INHBA: variants seen among roughly 807,000 people sequenced by gnomAD.
INHBA encodes inhibin beta A chain.
In INHBA, 1 loss-of-function variant was observed where a neutral mutation model predicts 29.0. The ratio of observed to expected loss-of-function variants is 0.03; its 90% CI spans 0.01 to 0.16. The LOEUF is 0.16. Ranked by LOEUF, INHBA falls within the 10% of genes least tolerant of loss-of-function variation. The pLI, the probability that INHBA is intolerant of heterozygous loss-of-function variation, is 1.00. For missense variants in INHBA, 376 were observed against 545.4 expected, an observed-to-expected ratio of 0.69 and a Z score of 3.09; for synonymous variants, 242 against 216.8, an observed-to-expected ratio of 1.12 and a Z score of -1.02.
rs972161023 is a variant in INHBA, at chr7:41,700,292, C to T, written c.83G>A (p.Gly28Glu). The change falls in exon 2 of 3, where the codon GGG becomes GAG. Residue 28 changes from glycine (G) to glutamate (E), a missense_variant. Gly to Glu is a moderately conservative substitution (Grantham distance 98). This residue lies in a region of INHBA where 71 missense variants were observed against 77.0 expected (regional missense o/e 0.92). Coordinates refer to ENST00000242208, the MANE Select transcript of INHBA (RefSeq NM_002192.4). ...VRSSPTPGSE[G>E]HSAAPDCPSC... ...CGGACAGTCGGGGGCCGCGCTGTGC[C>T]CCTCGGATCCTGGGGTGGGGGAACT... 7.6e-6 allele frequency: 12 copies of T among 1,585,502 alleles called. No homozygotes were observed. Among genetic ancestry groups the T allele is most frequent in the Non-Finnish European group, 1.0e-5 (12 of 1,163,694 alleles).
intron 2 of INHBA, among the ~76,000 whole-genome samples, chr7:41,692,900 G>A (rs1424910127): frequency 2.0e-5 from 3 of 152,162 alleles, no homozygotes; most frequent in African/African-American, 7.2e-5. Flanking sequence ...ATCTAAAAAG[G>A]CAATCAGCAG....
At chr7:41,701,655 G>C (rs768838101) in intron 1 of INHBA, among the ~76,000 whole-genome samples, 1 of 152,074 alleles carries the variant, frequency 6.6e-6, no homozygotes, top group Non-Finnish European at 1.5e-5. Flanking sequence ...ACCACTCGCC[G>C]GACTTCACAG....
In INHBA at chr7:41,690,139, T is replaced by C; in HGVS notation, c.792A>G (p.Glu264=). The part of the protein sequence containing the change: ...LVLLGKKKKK[E]EEGEGKKKGG... Reference sequence around the variant, plus strand: ...CCTTCTTTTTCCCTTCCCCCTCCTCTTCTTTCTTCTTCTTCTTGCCCAGGA... The same window carrying C: ...CCTTCTTTTTCCCTTCCCCCTCCTCCTCTTTCTTCTTCTTCTTGCCCAGGA... Residue 264 remains glutamate (E), a synonymous_variant, in exon 3 of 3, where the codon GAA becomes GAG. Coordinates refer to ENST00000242208, the MANE Select transcript of INHBA (RefSeq NM_002192.4). 1.2e-6 allele frequency: 2 copies of C among 1,613,530 alleles called. No individual in the cohort carries two copies. Among genetic ancestry groups the C allele is most frequent in the South Asian group, 1.1e-5 (1 of 91,064 alleles).
rs1415609184 is a variant in INHBA at position 41,689,512 on chromosome 7, T to TG, written c.*137dup. The TG allele has an allele frequency of 2.7e-6, 2 of 738,900 alleles. No homozygotes were observed. Among genetic ancestry groups the TG allele is most frequent in the African/African-American group, 1.9e-5 (1 of 53,180 alleles). 45.8% of individuals were successfully genotyped at this position (738,900 alleles called of 1,614,324 possible). Reference sequence around the variant, plus strand: ...TCAGGTTTTGTTTTTAATTTACTTTTGTTTTTTTTTGTTTTTTTTTTTGTT... The same window carrying TG: ...TCAGGTTTTGTTTTTAATTTACTTTTGGTTTTTTTTTGTTTTTTTTTTTGTT... On this transcript the variant is annotated 3_prime_UTR_variant, in exon 3 of 3. Transcript: ENST00000242208.
At chr7:41,695,950 T>C (rs955474347) in intron 2 of INHBA, among the ~76,000 whole-genome samples, 1 of 152,146 alleles carries the variant, frequency 6.6e-6, no homozygotes, top group African/African-American at 2.4e-5. Flanking sequence ...GTTCTTTAAA[T>C]ATTACAACGG....
chr7:41,700,497 T>G lies in INHBA; in HGVS notation c.-123A>C, dbSNP rs1309824807. On this transcript the variant is annotated 5_prime_UTR_variant, in exon 2 of 3. Transcript: ENST00000242208. ...TTTTTTTTTGGTGTTTTTTTTTTCC[T>G]TCTCCTCTTCAGCAAATTCTCTGGA... is the stretch of plus-strand genomic sequence containing the variant. 18 of 922,520 alleles carry G rather than the reference T, an allele frequency of 2.0e-5. No homozygotes were observed. The highest frequency in any genetic ancestry group is 2.7e-5 in the Non-Finnish European group (18 of 659,816). 57.1% of individuals were successfully genotyped at this position (922,520 alleles called of 1,614,324 possible). A position where few individuals can be genotyped will look rare whatever the true frequency, so the allele number is the denominator to read the frequency against.
At chr7:41,699,709 C>A (rs1794728130) in intron 2 of INHBA, among the ~76,000 whole-genome samples, 1 of 152,120 alleles carries the variant, frequency 6.6e-6, no homozygotes, top group African/African-American at 2.4e-5. Context: ...TCAACATTGG[C>A]CCCGAGCTTC....
In INHBA at chr7:41,688,242, A is replaced by G. The variant is rs1191394045; in HGVS notation, c.*1408T>C. Reference sequence around the variant, plus strand: ...ATACATACAGATATGCATATGCACAAGCAATGTATATATACACATACAAGC... The same window carrying G: ...ATACATACAGATATGCATATGCACAGGCAATGTATATATACACATACAAGC... On this transcript the variant is annotated 3_prime_UTR_variant, in exon 3 of 3. Coordinates refer to ENST00000242208, the MANE Select transcript of INHBA (RefSeq NM_002192.4). 1 of 152,270 alleles carries G rather than the reference A, an allele frequency of 6.6e-6. No homozygotes were observed. The highest frequency in any genetic ancestry group is 2.4e-5 in the African/African-American group (1 of 41,470). 9.4% of individuals were successfully genotyped at this position (152,270 alleles called of 1,614,324 possible). A position where few individuals can be genotyped will look rare whatever the true frequency, so the allele number is the denominator to read the frequency against.
At chr7:41,701,599 C>A (rs1051246621) in intron 1 of INHBA, among the ~76,000 whole-genome samples, 2 of 152,120 alleles carry the variant, frequency 1.3e-5, no homozygotes, top group Non-Finnish European at 2.9e-5. Flanking sequence ...GTTCAGCTGC[C>A]CCCTTCTGCC....
At chr7:41,697,478 C>A (rs1794674327) in intron 2 of INHBA, among the ~76,000 whole-genome samples, 1 of 152,082 alleles carries the variant, frequency 6.6e-6, no homozygotes, top group South Asian at 2.1e-4. Flanking sequence ...TGTAGCCAGG[C>A]CTTGGCTTTA....
intron 2 of INHBA, among the ~76,000 whole-genome samples, chr7:41,695,213 A>T (rs920440421): frequency 7.2e-5 from 11 of 152,218 alleles, no homozygotes; most frequent in Non-Finnish European, 1.5e-4. Flanking sequence ...GCTCTTTTAC[A>T]TATGGGCAAT....
At chr7:41,693,329 G>A (rs1349264996) in intron 2 of INHBA, among the ~76,000 whole-genome samples, 9 of 152,190 alleles carry the variant, frequency 5.9e-5, no homozygotes, top group East Asian at 1.9e-4. Context: ...GGGTGAAGCC[G>A]ATGGACAGCA....
chr7:41,699,945 A>AC (rs774118966), intron 2 of INHBA, 42 bp downstream of exon 2: 14 of 88,588 alleles, frequency 1.6e-4, no homozygotes, highest in South Asian at 2.5e-4. Flanking sequence ...TTACCCTCCC[A>AC]CCCCCCACCC....
At chr7:41,697,833 G>A (rs547731664) in intron 2 of INHBA, among the ~76,000 whole-genome samples, 10 of 152,244 alleles carry the variant, frequency 6.6e-5, no homozygotes, top group East Asian at 5.8e-4. Context: ...AAATGCTCAC[G>A]TGGTTTTCTG....
chr7:41,689,562 G>A lies in INHBA; in HGVS notation c.*88C>T. On this transcript the variant is annotated 3_prime_UTR_variant, in exon 3 of 3. Transcript: ENST00000242208. The stretch of plus-strand genomic sequence containing the variant: ...TTTGTTTTTAATTTCTATTTTTCTG[G>A]TTAACTCAGAAACCTTAAAAATTTC... 9 of 987,762 alleles carry A rather than the reference G, an allele frequency of 9.1e-6. No homozygotes were observed. The highest frequency in any genetic ancestry group is 1.2e-5 in the Non-Finnish European group (9 of 738,600). The allele number at this position is 987,762 out of a possible 1,614,324, so 61.2% of individuals were successfully genotyped here.
intron 1 of INHBA, among the ~76,000 whole-genome samples, chr7:41,701,609 C>T (rs1161588813): frequency 1.3e-5 from 2 of 152,098 alleles, no homozygotes; most frequent in African/African-American, 4.8e-5. Context: ...CCCCTTCTGC[C>T]GGGGACCCAC....
chr7:41,699,072 T>G (rs1331736273), intron 2 of INHBA, among the ~76,000 whole-genome samples: 1 of 152,206 alleles, frequency 6.6e-6, no homozygotes, highest in Non-Finnish European at 1.5e-5. Context: ...AAAAATAGCC[T>G]GGCTCCAAGT....
At position 41,690,319 on chromosome 7, in the gene INHBA, C is replaced by G. The variant is rs766601602; in HGVS notation, c.612G>C (p.Leu204=). 2.7e-5 allele frequency: 43 copies of G among 1,613,984 alleles called. 1 individual carries two copies. The Admixed American group carries it at 6.8e-4, about 26-fold the overall frequency. ...EVGLKGERSE[L]LLSEKVVDAR... is the part of the protein sequence containing the mutation. ...CGTCTACTACTTTTTCAGAGAGCAA[C>G]AGTTCACTCCTCTCCCCCTTTAAGC... The change falls in exon 3 of 3, where the codon CTG becomes CTC. Residue 204 remains leucine (L), a synonymous_variant. Coordinates refer to ENST00000242208, the MANE Select transcript of INHBA (RefSeq NM_002192.4).
At chr7:41,705,336 T>G (rs1207464194), upstream of INHBA, 1 of 152,354 alleles carries the variant, frequency 6.6e-6, no homozygotes, top group Non-Finnish European at 1.5e-5. Flanking sequence ...ACGCGGCCGC[T>G]GCTCGAGCCC....
Sources: allele counts gnomAD v4.1 joint callset (sites outside exome capture counted in the v4.1 genomes callset), GRCh38; gene constraint gnomAD v4.1.1; regional missense constraint gnomAD v4.1.1; transcripts MANE v1.5; gene names NCBI Gene and HGNC (gene_info 2026-07-23, HGNC 2026-07-21).